Variants in MNAT1 observed in about 807,000 individuals in gnomAD.
MNAT1 encodes CDK-activating kinase assembly factor MAT1.
Under a neutral mutation model 42.0 loss-of-function variants are expected in MNAT1, and 43 were observed. The ratio of observed to expected loss-of-function variants is 1.02; its 90% CI spans 0.80 to 1.32. The LOEUF (loss-of-function observed/expected upper bound fraction) is 1.32. MNAT1 is among the 40% of genes most tolerant of loss of function. MNAT1 has a pLI of 0.00. For missense variants in MNAT1, 306 were observed against 350.4 expected (o/e 0.87, Z 1.01); for synonymous variants, 118 against 120.0 (o/e 0.98, Z 0.11).
At chr14:60,789,120 T>A (rs2031740291) in intron 1 of MNAT1, among the ~76,000 whole-genome samples, 1 of 152,146 alleles carries the variant, frequency 6.6e-6, no homozygotes, top group Non-Finnish European at 1.5e-5. Flanking sequence ...CCTGAACACC[T>A]AAGAGTCCAT....
intron 7 of MNAT1, among the ~76,000 whole-genome samples, chr14:60,963,216 G>A (rs1387463113): frequency 7.2e-5 from 11 of 152,040 alleles, no homozygotes; most frequent in Non-Finnish European, 1.2e-4. Flanking sequence ...TCCTGACCTC[G>A]TGATCTGCCC....
intron 7 of MNAT1, among the ~76,000 whole-genome samples, chr14:60,921,031 A>T (rs1373337664): frequency 1.3e-5 from 2 of 152,150 alleles, no homozygotes; most frequent in Admixed American, 1.3e-4. Flanking sequence ...TTATTAACTG[A>T]GATATAATTC....
At chr14:60,918,325 C>T (rs982758310) in intron 7 of MNAT1, among the ~76,000 whole-genome samples, 1 of 146,878 alleles carries the variant, frequency 6.8e-6, no homozygotes, top group African/African-American at 2.5e-5. Flanking sequence ...TCTCCTGCCT[C>T]AGCCTCCTGA....
intron 3 of MNAT1, among the ~76,000 whole-genome samples, chr14:60,801,011 T>C (rs1264973431): frequency 6.6e-6 from 1 of 152,146 alleles, no homozygotes; most frequent in Non-Finnish European, 1.5e-5. Flanking sequence ...ATAAGTCTTA[T>C]AAATAGGCAT....
intron 7 of MNAT1, among the ~76,000 whole-genome samples, chr14:60,899,117 A>T (rs905671214): frequency 6.6e-6 from 1 of 152,134 alleles, no homozygotes; most frequent in Non-Finnish European, 1.5e-5. Flanking sequence ...CTGATCTTGT[A>T]GAATGAAATT....
intron 7 of MNAT1, among the ~76,000 whole-genome samples, chr14:60,917,803 T>C (rs1424733906): frequency 2.0e-5 from 3 of 152,066 alleles, no homozygotes; most frequent in Non-Finnish European, 4.4e-5. Flanking sequence ...TTTGTATTTT[T>C]AATAGAGACG....
intron 7 of MNAT1, among the ~76,000 whole-genome samples, chr14:60,949,617 A>T (rs934690565): frequency 1.3e-5 from 2 of 152,200 alleles, no homozygotes; most frequent in Non-Finnish European, 2.9e-5. Flanking sequence ...AAATAATGCT[A>T]CAATTTTTAA....
chr14:60,839,913 G>A (rs901821483), intron 6 of MNAT1, among the ~76,000 whole-genome samples: 62 of 152,344 alleles, frequency 4.1e-4, no homozygotes, highest in African/African-American at 1.5e-3. Flanking sequence ...CCTTTGGCAG[G>A]TGTGGGATCT....
rs1212961080 is a variant in MNAT1, at chr14:60,780,561, G to C, written c.90-15656G>C. On this transcript the variant is annotated intron_variant, in intron 1 of 7. Coordinates refer to ENST00000261245, the MANE Select transcript of MNAT1 (RefSeq NM_002431.4). ...ACTACTACAATCCACAAAGTAAATAGCATGGTGGCCTACAAAATTCCTGTC... is the reference window on the plus strand; with the variant it reads ...ACTACTACAATCCACAAAGTAAATACCATGGTGGCCTACAAAATTCCTGTC... 7 of 1,521,982 alleles carry C rather than the reference G, an allele frequency of 4.6e-6. No homozygotes were observed. The Admixed American group carries it at 1.2e-4, about 26-fold the overall frequency. 94.3% of individuals were successfully genotyped at this position (1,521,982 alleles called of 1,614,324 possible).
Position 60,879,743 on chromosome 14 carries a change from C to T in MNAT1, c.717C>T (p.His239=). The T allele has an allele frequency of 6.2e-7, 1 of 1,613,030 alleles. No homozygotes were observed. Among genetic ancestry groups the T allele is most frequent in the South Asian group, 1.1e-5 (1 of 90,996 alleles). Residue 239 remains histidine (H), a synonymous_variant, in exon 7 of 8, where the codon CAC becomes CAT. Transcript: ENST00000261245. ...MGQHISLAPI[H]KLEEALYEYQ... is the part of the protein sequence containing the mutation. Reference sequence around the variant, plus strand: ...AACATATTTCACTGGCACCTATTCACAAGCTTGAAGAAGCTCTGTATGAAT... The same window carrying T: ...AACATATTTCACTGGCACCTATTCATAAGCTTGAAGAAGCTCTGTATGAAT...
chr14:60,745,102 A>G (rs1896576843), intron 1 of MNAT1, among the ~76,000 whole-genome samples: 1 of 152,204 alleles, frequency 6.6e-6, no homozygotes, highest in Admixed American at 6.5e-5. Context: ...TATTTGGCTT[A>G]GCACAATCAC....
At chr14:60,872,282 A>G (rs1402442491) in intron 6 of MNAT1, among the ~76,000 whole-genome samples, 1 of 152,168 alleles carries the variant, frequency 6.6e-6, no homozygotes, top group Non-Finnish European at 1.5e-5. Context: ...AAAGCCATTC[A>G]TGAAGGCTCC....
intron 6 of MNAT1, among the ~76,000 whole-genome samples, chr14:60,833,715 A>G (rs976118295): frequency 4.3e-4 from 66 of 151,738 alleles, no homozygotes; most frequent in African/African-American, 1.5e-3. Context: ...GGAGTGCCTT[A>G]TTTTCTATTG....
In MNAT1 at chr14:60,968,351, C is replaced by G. The variant is rs2036721427; in HGVS notation, c.*2C>G. ...GGGCTTTTCTGGCAGCCCAGTTAAC[C>G]ATTTATAAGATTTGGACCTTGGAGC... On this transcript the variant is annotated 3_prime_UTR_variant, in exon 8 of 8. Coordinates refer to ENST00000261245, the MANE Select transcript of MNAT1 (RefSeq NM_002431.4). The G allele has an allele frequency of 1.2e-6, 2 of 1,608,756 alleles. No homozygotes were observed. Among genetic ancestry groups the G allele is most frequent in the Non-Finnish European group, 1.7e-6 (2 of 1,178,548 alleles).
intron 1 of MNAT1, among the ~76,000 whole-genome samples, chr14:60,787,832 T>A (rs918613496): frequency 6.6e-6 from 1 of 152,184 alleles, no homozygotes; most frequent in African/African-American, 2.4e-5. Flanking sequence ...CAGGCTCCAC[T>A]TCTAATTCTA....
chr14:60,767,496 A>G (rs971834443), intron 1 of MNAT1, among the ~76,000 whole-genome samples: 7 of 152,232 alleles, frequency 4.6e-5, no homozygotes, highest in Non-Finnish European at 7.3e-5. Flanking sequence ...GAAGAAAGTA[A>G]ATAAAATCCA....
chr14:60,883,766 A>G (rs915570691), intron 7 of MNAT1, among the ~76,000 whole-genome samples: 16 of 152,024 alleles, frequency 1.1e-4, no homozygotes, highest in East Asian at 9.6e-4. Context: ...TCAGTATTTT[A>G]TAGTTTTCAT....
intron 7 of MNAT1, among the ~76,000 whole-genome samples, chr14:60,902,723 G>GT (rs2035096352): frequency 6.6e-6 from 1 of 151,824 alleles, no homozygotes; most frequent in Non-Finnish European, 1.5e-5. Context: ...AATATACTTA[G>GT]TTTTTATATA....
intron 6 of MNAT1, among the ~76,000 whole-genome samples, chr14:60,824,090 G>C (rs1226248211): frequency 2.6e-5 from 4 of 152,132 alleles, no homozygotes; most frequent in Admixed American, 2.0e-4. Context: ...CAGGGCGGCA[G>C]AGGTTGCAGT....
Sources: allele counts gnomAD v4.1 joint callset (sites outside exome capture counted in the v4.1 genomes callset), GRCh38; gene constraint gnomAD v4.1.1; transcripts MANE v1.5; gene names NCBI Gene and HGNC (gene_info 2026-07-23, HGNC 2026-07-21).